Variants in ARFGEF1 observed in about 807,000 individuals in gnomAD.
The protein encoded by ARFGEF1 is brefeldin A-inhibited guanine nucleotide-exchange protein 1.
A neutral mutation model predicts 231.0 loss-of-function variants in ARFGEF1; 42 were observed. The ratio of observed to expected loss-of-function variants is 0.18; its 90% confidence interval spans 0.14 to 0.24. The LOEUF (loss-of-function observed/expected upper bound fraction) is 0.24. Among genes scored for constraint, ARFGEF1 ranks in the 10% least tolerant of loss-of-function variants. The probability of loss-of-function intolerance (pLI) is 1.00; values close to 1 mark genes in which losing one functional copy is unlikely to be tolerated. For missense variants in ARFGEF1, 1,345 were observed against 2,192.0 expected (o/e 0.61, Z 7.72); for synonymous variants, 710 against 732.3 (o/e 0.97, Z 0.49).
intron 19 of ARFGEF1, among the ~76,000 whole-genome samples, chr8:67,245,927 CA>C (rs1326266716): frequency 6.7e-6 from 1 of 149,490 alleles, no homozygotes; most frequent in Non-Finnish European, 1.5e-5. Context: ...AAATGGAAAG[CA>C]AAAAAGAGCA....
At chr8:67,232,682 CA>C (rs751217782) in intron 23 of ARFGEF1, among the ~76,000 whole-genome samples, 172 bp downstream of exon 23, 14 of 151,900 alleles carry the variant, frequency 9.2e-5, no homozygotes, top group Non-Finnish European at 1.8e-4. Flanking sequence ...TTCTATGATC[CA>C]AAAAGCAAAA....
At chr8:67,236,349 TAA>T (rs1554638965) in intron 22 of ARFGEF1, among the ~76,000 whole-genome samples, 380 of 13,896 alleles carry the variant, frequency 0.027, 13 homozygotes, top group Non-Finnish European at 0.034. Flanking sequence ...AGATATTAGT[TAA>T]AAAAAAAAAA....
intron 22 of ARFGEF1, 45 bp downstream of exon 22, chr8:67,238,298 T>C (rs777138930): frequency 2.0e-6 from 3 of 1,528,116 alleles, no homozygotes. Context: ...TGACTTATAA[T>C]GAGGAAGTTA....
At chr8:67,176,825 G>A (rs1485765131) in intron 5 of ARFGEF1, among the ~76,000 whole-genome samples, 9 of 152,058 alleles carry the variant, frequency 5.9e-5, no homozygotes, top group East Asian at 1.9e-4. Context: ...TAATCCCAGC[G>A]CTTTGGGAGG....
Position 67,277,339 on chromosome 8 carries a change from A to T in ARFGEF1, c.1146T>A (p.Val382=). ...ANGIPGTPIS[V]AYTPSLPDDR... The stretch of plus-strand genomic sequence containing the variant: ...CATCAGGTAAGGATGGTGTATATGC[A>T]ACAGAAATTGGTGTTCCTGGAATTC... The change falls in exon 8 of 39, where the codon GTT becomes GTA. Residue 382 remains valine (V), a synonymous_variant. Transcript: ENST00000262215. 6.2e-7 allele frequency: 1 copy of T among 1,613,718 alleles called. No homozygotes were observed. The highest frequency in any genetic ancestry group is 8.5e-7 in the Non-Finnish European group (1 of 1,179,782).
chr8:67,324,023 AAT>A (rs896372655), intron 1 of ARFGEF1, among the ~76,000 whole-genome samples: 1 of 152,116 alleles, frequency 6.6e-6, no homozygotes, highest in African/African-American at 2.4e-5. Flanking sequence ...GGATGGTCTC[AAT>A]CTCCTGACCT....
At chr8:67,227,813 A>G (rs1333726330) in intron 25 of ARFGEF1, 150 bp downstream of exon 25, 5 of 850,456 alleles carry the variant, frequency 5.9e-6, no homozygotes, top group Non-Finnish European at 8.4e-6. Flanking sequence ...ATTTCTAAAA[A>G]GAAAAACACC....
At chr8:67,236,363 AAAAT>A (rs1444398958) in intron 22 of ARFGEF1, among the ~76,000 whole-genome samples, 37 of 37,672 alleles carry the variant, frequency 9.8e-4, no homozygotes, top group Non-Finnish European at 1.0e-3. Flanking sequence ...AAAAAAAAAA[AAAAT>A]ATATATATAT....
chr8:67,276,392 G>GAT (rs1287331782), intron 8 of ARFGEF1, among the ~76,000 whole-genome samples: 1 of 152,028 alleles, frequency 6.6e-6, no homozygotes, highest in African/African-American at 2.4e-5. Context: ...ACAAAAAACT[G>GAT]ATATATCATG....
At chr8:67,309,145 C>T (rs935962115) in intron 1 of ARFGEF1, among the ~76,000 whole-genome samples, 1 of 151,968 alleles carries the variant, frequency 6.6e-6, no homozygotes, top group Non-Finnish European at 1.5e-5. Flanking sequence ...GAAGATACTA[C>T]GCTAAGTGAA....
At chr8:67,257,322 C>T (rs765714758) in intron 17 of ARFGEF1, among the ~76,000 whole-genome samples, 13 of 152,270 alleles carry the variant, frequency 8.5e-5, no homozygotes, top group African/African-American at 1.7e-4. Context: ...TCATGTGATC[C>T]GCCTGTCTCG....
intron 7 of ARFGEF1, among the ~76,000 whole-genome samples, chr8:67,286,553 T>G (rs1805766276): frequency 6.6e-6 from 1 of 152,212 alleles, no homozygotes. Context: ...CATGGCTGTG[T>G]CACAGTATTA....
chr8:67,291,244 A>C (rs1025354631), intron 6 of ARFGEF1, among the ~76,000 whole-genome samples: 3 of 152,148 alleles, frequency 2.0e-5, no homozygotes, highest in Non-Finnish European at 4.4e-5. Flanking sequence ...ACAGAGAAAC[A>C]AATTTGTAAA....
intron 29 of ARFGEF1, among the ~76,000 whole-genome samples, chr8:67,221,942 T>C (rs941653780): frequency 2.6e-5 from 4 of 151,384 alleles, no homozygotes; most frequent in African/African-American, 9.7e-5. Flanking sequence ...GCCTCCCAAG[T>C]AGCTGGGACT....
chr8:67,331,113 A>T (rs1399778424), intron 1 of ARFGEF1, among the ~76,000 whole-genome samples: 1 of 152,214 alleles, frequency 6.6e-6, no homozygotes. Flanking sequence ...ACCAGATACC[A>T]CATTAAGTAC....
At chr8:67,325,102 G>A (rs767161395) in intron 1 of ARFGEF1, among the ~76,000 whole-genome samples, 5 of 151,882 alleles carry the variant, frequency 3.3e-5, no homozygotes, top group African/African-American at 4.8e-5. Context: ...TAGTAGATAC[G>A]GGGTTTCTCC....
At chr8:67,244,602 A>T (rs1301003211) in intron 19 of ARFGEF1, among the ~76,000 whole-genome samples, 1 of 149,606 alleles carries the variant, frequency 6.7e-6, no homozygotes, top group South Asian at 2.1e-4. Flanking sequence ...TCCCAGCCCC[A>T]TAAGTCTCTT....
intron 34 of ARFGEF1, 98 bp downstream of exon 34, chr8:67,211,385 T>A: frequency 1.5e-6 from 1 of 677,260 alleles, no homozygotes. Context: ...ACACAATCAA[T>A]TATAGTATAT....
chr8:67,210,819 C>T (rs1838708109), intron 34 of ARFGEF1, among the ~76,000 whole-genome samples: 1 of 152,088 alleles, frequency 6.6e-6, no homozygotes. Flanking sequence ...CTTTGGGAGG[C>T]TGAGGCGGGC....
Sources: allele counts gnomAD v4.1 joint callset (sites outside exome capture counted in the v4.1 genomes callset), GRCh38; gene constraint gnomAD v4.1.1; transcripts MANE v1.5; gene names NCBI Gene and HGNC (gene_info 2026-07-23, HGNC 2026-07-21).